ITGB7: variants seen among roughly 807,000 people sequenced by gnomAD.
ITGB7 encodes integrin beta-7.
Under a neutral mutation model 83.4 loss-of-function variants are expected in ITGB7, and 55 were observed. The observed-to-expected ratio is 0.66, with a 90% CI of 0.53 to 0.83. The LOEUF (loss-of-function observed/expected upper bound fraction) is 0.83, where lower values mean the gene tolerates loss of function less well. ITGB7 is among the 40% of genes least tolerant of loss of function. ITGB7 has a pLI of 0.00. For synonymous variants in ITGB7, 454 were observed against 423.6 expected, an observed-to-expected ratio of 1.07 and a Z score of -0.88; for missense variants, 921 against 1,046.7, an observed-to-expected ratio of 0.88 and a Z score of 1.66.
intron 9 of ITGB7, 28 bp downstream of exon 9, chr12:53,195,346 A>C: frequency 3.3e-6 from 5 of 1,507,850 alleles, no homozygotes; most frequent in African/African-American, 1.4e-5. Context: ...GCCCACCCTC[A>C]CCATCTCCCC....
At chr12:53,204,264 T>C (rs1490434908) in intron 1 of ITGB7, among the ~76,000 whole-genome samples, 1 of 151,634 alleles carries the variant, frequency 6.6e-6, no homozygotes, top group Non-Finnish European at 1.5e-5. Flanking sequence ...CCTGTAACCC[T>C]AGCTACTTGG....
chr12:53,193,317 C>T lies in ITGB7; in HGVS notation c.1549G>A (p.Glu517Lys), dbSNP rs1942035448. ...GATTCCAGGTCTGGGGAGGACAGCT[C>T]TGCCACAGAGCACTCACAGAGCCGA... Reference protein sequence around the residue: ...LGRLCECSVAELSSPDLESGC... With the variant: ...LGRLCECSVAKLSSPDLESGC... Residue 517 changes from glutamate to lysine, a missense_variant, in exon 12 of 16, where the codon GAG becomes AAG. By Grantham distance (56) the Glu-to-Lys change is moderately conservative. Transcript: ENST00000267082. 1 of 1,608,370 alleles carries T rather than the reference C, an allele frequency of 6.2e-7. No individual in the cohort carries two copies. The highest frequency in any genetic ancestry group is 8.5e-7 in the Non-Finnish European group (1 of 1,175,884).
Position 53,192,346 on chromosome 12 carries a change from T to C in ITGB7, c.2139A>G (p.Arg713=). ...EDDARGTVVL[R]VRPQEKGADH... ...CCCACTTACTTTCTTGGGGTCTCAC[T>C]CTGAGCACGACCGTGCCTCTGGCGT... is the stretch of plus-strand genomic sequence containing the variant. Residue 713 remains arginine (R), a synonymous_variant, in exon 14 of 16, where the codon AGA becomes AGG. Coordinates refer to ENST00000267082, the MANE Select transcript of ITGB7 (RefSeq NM_000889.3). The C allele has an allele frequency of 6.2e-7, 1 of 1,614,128 alleles. No individual in the cohort carries two copies.
At chr12:53,200,816 T>C (rs1275835488) in intron 2 of ITGB7, among the ~76,000 whole-genome samples, 3 of 151,846 alleles carry the variant, frequency 2.0e-5, no homozygotes, top group Non-Finnish European at 4.4e-5. Context: ...GTAATCCCAG[T>C]TACTCAGGAA....
At chr12:53,197,037 G>A (rs963003838) in intron 5 of ITGB7, 2 of 594,478 alleles carry the variant, frequency 3.4e-6, no homozygotes, top group South Asian at 4.3e-5. Flanking sequence ...AACTTCCTGG[G>A]CAAATGGGAA....
chr12:53,196,224 C>G, intron 6 of ITGB7, 25 bp from the exon 7 acceptor site: 1 of 1,610,992 alleles, frequency 6.2e-7, no homozygotes, highest in Non-Finnish European at 8.5e-7. Flanking sequence ...GGGTGGTAGG[C>G]TATGCACCTG....
chr12:53,192,397 CT>C lies in ITGB7; in HGVS notation c.2087del (p.Gln696ArgfsTer19). The C allele has an allele frequency of 6.2e-7, 1 of 1,614,152 alleles. No homozygotes were observed. Among genetic ancestry groups the C allele is most frequent in the East Asian group, 2.2e-5 (1 of 44,884 alleles). ...GWCKERTLDNQLFFFLVEDDA... is the reference protein window; with the variant it reads ...GWCKERTLDNXLFFFLVEDDA... ...CATCCTCCACCAAGAAGAAGAACAGCTGGTTGTCCAGGGTCCGCTCTTTGCA... is the reference window on the plus strand; with the variant it reads ...CATCCTCCACCAAGAAGAAGAACAGCGGTTGTCCAGGGTCCGCTCTTTGCA... On this transcript the variant is annotated frameshift_variant, in exon 14 of 16. Transcript: ENST00000267082. LOFTEE classifies it high-confidence loss of function.
chr12:53,194,314 AGT>A lies in ITGB7; in HGVS notation c.1190_1191del (p.His397LeufsTer16). ...NSLSSTVTLE[H>X]SSLPPGVHIS... is the part of the protein sequence containing the mutation. ...ATGTGGACCCCAGGAGGGAGTGAAG[AGT>A]GTTCAAGGGTCACGGTGGAAGACAG... On this transcript the variant is annotated frameshift_variant, in exon 10 of 16. Coordinates refer to ENST00000267082, the MANE Select transcript of ITGB7 (RefSeq NM_000889.3). LOFTEE classifies it high-confidence loss of function. 6.2e-7 allele frequency: 1 copy of A among 1,613,960 alleles called. No individual in the cohort carries two copies.
Position 53,197,734 on chromosome 12 carries a change from G to A in ITGB7, c.403+16C>T. ...CAGCCTAGACCTCTGGCCTGGCCCCGCCTCCCCTAACTCACCAGGCCGCAG... is the reference window on the plus strand; with the variant it reads ...CAGCCTAGACCTCTGGCCTGGCCCCACCTCCCCTAACTCACCAGGCCGCAG... On this transcript the variant is annotated intron_variant, in intron 4 of 15. Coordinates refer to ENST00000267082, the MANE Select transcript of ITGB7 (RefSeq NM_000889.3). The A allele has an allele frequency of 6.3e-7, 1 of 1,585,140 alleles. No homozygotes were observed. The highest frequency in any genetic ancestry group is 8.6e-7 in the Non-Finnish European group (1 of 1,166,666).
At chr12:53,202,729 G>A (rs938881913) in intron 1 of ITGB7, among the ~76,000 whole-genome samples, 5 of 152,026 alleles carry the variant, frequency 3.3e-5, no homozygotes, top group Admixed American at 6.5e-5. Flanking sequence ...TTGGGAGGCC[G>A]AGACAGGCAG....
rs891168024 is a variant in ITGB7, at chr12:53,197,670, G to A, written c.404-7C>T. The A allele has an allele frequency of 1.2e-6, 2 of 1,612,978 alleles. No homozygotes were observed. On this transcript the variant is annotated splice_polypyrimidine_tract_variant and splice_region_variant and intron_variant, in intron 4 of 15. Transcript: ENST00000267082. ...TGGAGCTGCTGGGGCTCCCCTAGGG[G>A]GTGGGCGGCGGGCGGGTCAGCAGAG...
At chr12:53,204,860 G>C (rs1942397892) in intron 1 of ITGB7, among the ~76,000 whole-genome samples, 1 of 125,822 alleles carries the variant, frequency 7.9e-6, no homozygotes, top group Non-Finnish European at 1.6e-5. Flanking sequence ...TTTTGGCAGA[G>C]TCCCACTCTG....
At chr12:53,194,825 T>C (rs1942100445) in intron 9 of ITGB7, 1 of 167,846 alleles carries the variant, frequency 6.0e-6, no homozygotes, top group African/African-American at 2.4e-5. Flanking sequence ...AGAATTTTTA[T>C]GGTTCCTTCT....
In ITGB7 at chr12:53,192,240, G is replaced by A. The variant is rs565494668; in HGVS notation, c.2155+90C>T. ...ATTCACAGTTCTGCTTCAGCCCCCA[G>A]CCTGTTTCCCATTATCTTCACTCTG... is the stretch of plus-strand genomic sequence containing the variant. On this transcript the variant is annotated intron_variant, in intron 14 of 15. Transcript: ENST00000267082. 2.2e-4 allele frequency: 315 copies of A among 1,401,056 alleles called. 2 individuals are homozygous for A. The South Asian group carries it at 3.4e-3, about 15-fold the overall frequency. 86.8% of individuals were successfully genotyped at this position (1,401,056 alleles called of 1,614,324 possible).
At chr12:53,202,689 A>T (rs1942347839) in intron 1 of ITGB7, among the ~76,000 whole-genome samples, 1 of 151,182 alleles carries the variant, frequency 6.6e-6, no homozygotes, top group African/African-American at 2.4e-5. Flanking sequence ...AAGGCCAGGT[A>T]CCGTGGCTCA....
chr12:53,195,777 A>G, intron 7 of ITGB7, 56 bp from the exon 8 acceptor site: 1 of 1,417,182 alleles, frequency 7.1e-7, no homozygotes, highest in Non-Finnish European at 1.0e-6. Context: ...ACAACATGCA[A>G]GGTGCCCTCA....
intron 5 of ITGB7, 21 bp from the exon 6 acceptor site, chr12:53,196,841 A>G (rs755422169): frequency 6.3e-7 from 1 of 1,579,858 alleles, no homozygotes; most frequent in Non-Finnish European, 8.6e-7. Flanking sequence ...AGAGGAATGA[A>G]GGTTGTGCCA....
intron 3 of ITGB7, 117 bp from the exon 4 acceptor site, chr12:53,198,068 TGA>T (rs1942228050): frequency 2.9e-6 from 2 of 685,644 alleles, no homozygotes; most frequent in East Asian, 6.2e-5. Flanking sequence ...GTCCACTCCT[TGA>T]GTCCCTGATT....
chr12:53,193,899 C>T lies in ITGB7; in HGVS notation c.1311G>A (p.Val437=), dbSNP rs1344586401. Residue 437 remains valine (V), a splice_region_variant and synonymous_variant, in exon 11 of 16, where the codon GTG becomes GTA. Coordinates refer to ENST00000267082, the MANE Select transcript of ITGB7 (RefSeq NM_000889.3). ...QCNHVRINQT[V]TFWVSLQATH... ...TGGCTTGGAGAGAAACCCAGAAAGTCACCTGAGAAGAGGCAGGAATCAGGC... is the reference window on the plus strand; with the variant it reads ...TGGCTTGGAGAGAAACCCAGAAAGTTACCTGAGAAGAGGCAGGAATCAGGC... 2.5e-6 allele frequency: 4 copies of T among 1,611,636 alleles called. No individual in the cohort carries two copies. In the South Asian group the frequency reaches 4.4e-5, roughly 18 times the overall value.
Sources: allele counts gnomAD v4.1 joint callset (sites outside exome capture counted in the v4.1 genomes callset), GRCh38; gene constraint gnomAD v4.1.1; transcripts MANE v1.5; gene names NCBI Gene and HGNC (gene_info 2026-07-23, HGNC 2026-07-21).